STPG2: variants seen among roughly 807,000 people sequenced by gnomAD.
STPG2 encodes sperm tail PG-rich repeat containing 2.
Under a neutral mutation model 54.2 loss-of-function variants are expected in STPG2, and 56 were observed. The ratio of observed to expected loss-of-function variants is 1.03; its 90% CI spans 0.83 to 1.29. The LOEUF (loss-of-function observed/expected upper bound fraction) is 1.29. Ranked by LOEUF, STPG2 falls within the 50% of genes most tolerant of loss-of-function variation. STPG2 has a pLI of 0.00. For synonymous variants in STPG2, 200 were observed against 181.8 expected, an observed-to-expected ratio of 1.10 and a Z score of -0.81; for missense variants, 596 against 544.9, an observed-to-expected ratio of 1.09 and a Z score of -0.93.
intron 10 of STPG2, among the ~76,000 whole-genome samples, chr4:97,671,333 A>G (rs945556477): frequency 2.0e-5 from 3 of 152,208 alleles, no homozygotes; most frequent in Non-Finnish European, 4.4e-5. Context: ...TCTTGGGTGG[A>G]TTATACAGGC....
At chr4:97,457,802 A>G (rs1729565654) in intron 4 of STPG2, among the ~76,000 whole-genome samples, 2 of 152,246 alleles carry the variant, frequency 1.3e-5, no homozygotes, top group African/African-American at 4.8e-5. Context: ...GAACTTAAGC[A>G]TGAAATTTTA....
chr4:97,913,079 G>A (rs1467993520), intron 8 of STPG2, among the ~76,000 whole-genome samples: 1 of 152,102 alleles, frequency 6.6e-6, no homozygotes, highest in Non-Finnish European at 1.5e-5. Context: ...TTATAATTGT[G>A]CTAAAATTCA....
chr4:97,792,797 T>C (rs1000067733), intron 9 of STPG2, among the ~76,000 whole-genome samples: 5 of 152,170 alleles, frequency 3.3e-5, no homozygotes, highest in Admixed American at 3.3e-4. Context: ...CCTGTTCTCT[T>C]TGCAGTGCTT....
chr4:98,143,153 T>A lies in STPG2; in HGVS notation c.-3A>T. 1 of 1,610,848 alleles carries A rather than the reference T, an allele frequency of 6.2e-7. No individual in the cohort carries two copies. The highest frequency in any genetic ancestry group is 8.5e-7 in the Non-Finnish European group (1 of 1,177,938). ...AGGCGGGGAGCCCGATCATACATAG[T>A]GCTCGGGGTGGTGGGGGCGCTGGGG... On this transcript the variant is annotated 5_prime_UTR_variant, in exon 1 of 11. Coordinates refer to ENST00000295268, the MANE Select transcript of STPG2 (RefSeq NM_174952.3).
chr4:97,998,578 A>G (rs189595618), intron 5 of STPG2, among the ~76,000 whole-genome samples: 1 of 152,352 alleles, frequency 6.6e-6, no homozygotes, highest in East Asian at 1.9e-4. Flanking sequence ...CCATTTTGCT[A>G]AAGTACCTAA....
At chr4:97,873,715 G>GAAACAA (rs1489662494) in intron 8 of STPG2, among the ~76,000 whole-genome samples, 1 of 151,346 alleles carries the variant, frequency 6.6e-6, no homozygotes, top group African/African-American at 2.4e-5. Context: ...GACAGAAACA[G>GAAACAA]AAACAAAAAC....
At chr4:97,743,041 T>C (rs777089122) in intron 9 of STPG2, among the ~76,000 whole-genome samples, 2 of 151,768 alleles carry the variant, frequency 1.3e-5, no homozygotes, top group Non-Finnish European at 2.9e-5. Context: ...AGAAATATAT[T>C]AAAAGTAAAA....
chr4:97,936,195 G>A (rs577946469), intron 8 of STPG2, among the ~76,000 whole-genome samples: 2 of 152,226 alleles, frequency 1.3e-5, no homozygotes, highest in African/African-American at 4.8e-5. Context: ...GACTAGGATT[G>A]CAACCCCTGC....
At chr4:97,933,019 G>C (rs992100323) in intron 8 of STPG2, among the ~76,000 whole-genome samples, 10 of 151,994 alleles carry the variant, frequency 6.6e-5, no homozygotes, top group African/African-American at 2.4e-4. Flanking sequence ...CCACAGTCTT[G>C]CCAGCATCTG....
At position 98,072,570 on chromosome 4, in the gene STPG2, TAATAAAATAAAATAAAATAAAATAA is replaced by T. The variant is rs10646385; in HGVS notation, c.612+33358_612+33382del. ...CTTACAATAAAAGTTGAAGGGAAAA[TAATAAAATAAAATAAAATAAAATAA>T]AATAAAATAAAATAAAATAAAACAA... On this transcript the variant is annotated intron_variant, in intron 5 of 10. Coordinates refer to ENST00000295268, the MANE Select transcript of STPG2 (RefSeq NM_174952.3). 3.0e-4 allele frequency among the ~76,000 whole-genome samples: 44 copies of T among 145,002 alleles called. 1 individual carries two copies. The highest frequency in any genetic ancestry group is 8.0e-4 in the East Asian group (4 of 4,990).
intron 10 of STPG2, among the ~76,000 whole-genome samples, chr4:97,676,621 G>A (rs944246801): frequency 1.3e-4 from 19 of 151,832 alleles, no homozygotes; most frequent in Non-Finnish European, 1.5e-5. Flanking sequence ...GACTGTATTA[G>A]ATTAAAAGGC....
At chr4:97,504,098 TA>T (rs1385800057) in intron 4 of STPG2, among the ~76,000 whole-genome samples, 1 of 145,704 alleles carries the variant, frequency 6.9e-6, no homozygotes, top group African/African-American at 2.5e-5. Context: ...ATTTAATATT[TA>T]ATAAATAAAT....
chr4:97,857,676 A>C (rs1304547698), intron 8 of STPG2, among the ~76,000 whole-genome samples: 1 of 151,460 alleles, frequency 6.6e-6, no homozygotes, highest in African/African-American at 2.4e-5. Context: ...ATAAAAGAAA[A>C]TCACCAAATA....
intron 9 of STPG2, among the ~76,000 whole-genome samples, chr4:97,713,522 A>C (rs1176518411): frequency 6.6e-6 from 1 of 152,218 alleles, no homozygotes; most frequent in African/African-American, 2.4e-5. Flanking sequence ...TAGATTAAAT[A>C]GTCATGAAAA....
intron 8 of STPG2, among the ~76,000 whole-genome samples, chr4:97,941,927 T>C (rs935961081): frequency 2.6e-5 from 4 of 151,936 alleles, no homozygotes; most frequent in African/African-American, 9.7e-5. Context: ...CACTGAATAA[T>C]TTTAATTGCA....
At chr4:97,701,683 T>C (rs1160159869) in intron 10 of STPG2, among the ~76,000 whole-genome samples, 3 of 152,316 alleles carry the variant, frequency 2.0e-5, no homozygotes, top group Admixed American at 6.5e-5. Flanking sequence ...CCTAGAAGGT[T>C]TCTGCTTATA....
intron 4 of STPG2, among the ~76,000 whole-genome samples, chr4:97,478,871 ATATGTGTGTG>A (rs1396051054): frequency 1.4e-4 from 18 of 125,222 alleles, no homozygotes; most frequent in African/African-American, 5.4e-4. Flanking sequence ...ACCAAGCCAA[ATATGTGTGTG>A]TGTGTGTGTG....
At chr4:98,040,576 C>G (rs530502244) in intron 5 of STPG2, among the ~76,000 whole-genome samples, 1 of 151,754 alleles carries the variant, frequency 6.6e-6, no homozygotes, top group Admixed American at 6.6e-5. Context: ...GACTAAGGAC[C>G]TTTTCCCTAT....
intron 8 of STPG2, among the ~76,000 whole-genome samples, chr4:97,887,903 T>A (rs1232635041): frequency 6.6e-6 from 1 of 152,176 alleles, no homozygotes; most frequent in Non-Finnish European, 1.5e-5. Context: ...AACTGCTCCC[T>A]GCATCCCAGC....
Sources: allele counts gnomAD v4.1 joint callset (sites outside exome capture counted in the v4.1 genomes callset), GRCh38; gene constraint gnomAD v4.1.1; transcripts MANE v1.5; gene names NCBI Gene and HGNC (gene_info 2026-07-23, HGNC 2026-07-21).